The following CRB1 variants were observed in gnomAD, a reference collection of about 807,000 sequenced individuals.
The protein encoded by CRB1 is crumbs cell polarity complex component 1.
CRB1 carries 83 observed loss-of-function variants against 120.0 expected under a neutral mutation model. That is an observed-to-expected ratio of 0.69 (90% CI 0.58 to 0.83). The LOEUF is 0.83. Ranked by LOEUF, CRB1 falls within the 40% of genes least tolerant of loss-of-function variation. The probability of loss-of-function intolerance (pLI) is 0.00; values close to 1 mark genes in which losing one functional copy is unlikely to be tolerated. For synonymous variants in CRB1, 625 were observed against 612.5 expected (o/e 1.02, Z -0.30); for missense variants, 1,699 against 1,687.6 (o/e 1.01, Z -0.12).
rs1664321763 is a variant in CRB1, at chr1:197,421,575, A to G, written c.1747A>G (p.Ile583Val). 3 of 1,614,068 alleles carry G rather than the reference A, an allele frequency of 1.9e-6. No individual in the cohort carries two copies. The African/African-American group carries it at 4.0e-5, about 22-fold the overall frequency. The change falls in exon 6 of 12, where the codon ATC becomes GTC. Residue 583 changes from isoleucine (I) to valine (V), a missense_variant. Transcript: ENST00000367400. ...IFAEAVTLTL[I>V]DDSCKEKCIA... is the part of the protein sequence containing the mutation. ...TGCAGAGGCTGTGACCCTTACCTTA[A>G]TCGACGACTCCTGTAAGGAGAAATG...
Position 197,332,086 on chromosome 1 carries a change from G to A in CRB1, c.652+3083G>A, listed in dbSNP as rs150203166. Among the ~76,000 whole-genome samples the A allele has an allele frequency of 5.6e-3, 852 of 152,238 alleles. 9 individuals carry two copies. Among genetic ancestry groups the A allele is most frequent in the African/African-American group, 0.017 (705 of 41,502 alleles). On this transcript the variant is annotated intron_variant, in intron 2 of 11. Coordinates refer to ENST00000367400, the MANE Select transcript of CRB1 (RefSeq NM_201253.3). ...ATTGGGGAGGCAGAGGTTGCAGTGA[G>A]CTGAGATTGTGCCATTGCACTCCAG...
At position 197,477,952 on chromosome 1, in the gene CRB1, A is replaced by G. The variant is rs905326604; in HGVS notation, c.*73A>G. On this transcript the variant is annotated 3_prime_UTR_variant, in exon 12 of 12. Coordinates refer to ENST00000367400, the MANE Select transcript of CRB1 (RefSeq NM_201253.3). ...TGACTGTACTTCAGGTATCTCTGAC[A>G]TACCTGACAATGTTAATCTGCAACT... 1.4e-6 allele frequency: 2 copies of G among 1,395,190 alleles called. No homozygotes were observed. The highest frequency in any genetic ancestry group is 2.0e-6 in the Non-Finnish European group (2 of 981,724). 86.4% of individuals were successfully genotyped at this position (1,395,190 alleles called of 1,614,324 possible).
chr1:197,205,731 T>C, the CRB1 span, among the ~76,000 whole-genome samples: 97 of 152,238 alleles, frequency 6.4e-4, no homozygotes, highest in African/African-American at 2.1e-3. Context: ...TATCCTTTCC[T>C]GGTTTTGGTA....
At chr1:197,231,309 T>C in the CRB1 span, among the ~76,000 whole-genome samples, 19 of 152,184 alleles carry the variant, frequency 1.2e-4, no homozygotes, top group Admixed American at 7.2e-4. Context: ...CATCATCTTA[T>C]TTTTGATATT....
chr1:197,464,697 T>A (rs764394760), intron 11 of CRB1, among the ~76,000 whole-genome samples: 1 of 152,208 alleles, frequency 6.6e-6, no homozygotes, highest in Non-Finnish European at 1.5e-5. Context: ...AGAAATAATG[T>A]AAATAATTCA....
At chr1:197,316,151 T>C (rs1234401776) in intron 1 of CRB1, among the ~76,000 whole-genome samples, 1 of 152,188 alleles carries the variant, frequency 6.6e-6, no homozygotes, top group Non-Finnish European at 1.5e-5. Flanking sequence ...ACATGAGCTT[T>C]GGTTCAAAAA....
chr1:197,418,007 A>G (rs1487760648), intron 5 of CRB1, among the ~76,000 whole-genome samples: 2 of 151,874 alleles, frequency 1.3e-5, no homozygotes, highest in Non-Finnish European at 2.9e-5. Flanking sequence ...TGACACTACT[A>G]TCTAATAGTG....
In CRB1 at chr1:197,412,020, T is replaced by TG. The variant is rs373163366; in HGVS notation, c.1172-8977dup. Among the ~76,000 whole-genome samples the TG allele has an allele frequency of 5.8e-4, 89 of 152,310 alleles. No individual in the cohort carries two copies. In the East Asian group the frequency reaches 0.015, roughly 26 times the overall value. Reference sequence around the variant, plus strand: ...CCCCTCAAGTCCTATTGACCAGGATTGGGTCACATGCCCATGACCCAGCTG... The same window carrying TG: ...CCCCTCAAGTCCTATTGACCAGGATTGGGGTCACATGCCCATGACCCAGCTG... On this transcript the variant is annotated intron_variant, in intron 5 of 11. Coordinates refer to ENST00000367400, the MANE Select transcript of CRB1 (RefSeq NM_201253.3).
At chr1:197,419,217 C>T (rs1040058804) in intron 5 of CRB1, among the ~76,000 whole-genome samples, 3 of 152,052 alleles carry the variant, frequency 2.0e-5, no homozygotes, top group African/African-American at 7.3e-5. Flanking sequence ...CCAACATTAT[C>T]AATATAGGAA....
At chr1:197,473,625 A>G (rs532765859) in intron 11 of CRB1, among the ~76,000 whole-genome samples, 1 of 152,078 alleles carries the variant, frequency 6.6e-6, no homozygotes, top group African/African-American at 2.4e-5. Context: ...TCAGAAAAAA[A>G]AAAAACAATT....
chr1:197,391,650 C>T lies in CRB1; in HGVS notation c.1172-29350C>T, dbSNP rs547376249. Among the ~76,000 whole-genome samples the T allele has an allele frequency of 9.6e-4, 146 of 152,148 alleles. 1 individual carries two copies. Among genetic ancestry groups the T allele is most frequent in the Non-Finnish European group, 1.4e-3 (93 of 67,980 alleles). On this transcript the variant is annotated intron_variant, in intron 5 of 11. Coordinates refer to ENST00000367400, the MANE Select transcript of CRB1 (RefSeq NM_201253.3). ...GCATCCTGGAACTTTATAATAAATTCGACTCTTGGGTTTTGCACATCCAAG... is the reference window on the plus strand; with the variant it reads ...GCATCCTGGAACTTTATAATAAATTTGACTCTTGGGTTTTGCACATCCAAG...
chr1:197,403,068 AT>A (rs1558110552), intron 5 of CRB1, among the ~76,000 whole-genome samples: 1 of 152,014 alleles, frequency 6.6e-6, no homozygotes, highest in East Asian at 1.9e-4. Context: ...ATAATGTAGT[AT>A]TCTAAAATGT....
At chr1:197,226,282 A>G in the CRB1 span, among the ~76,000 whole-genome samples, 9 of 152,160 alleles carry the variant, frequency 5.9e-5, no homozygotes, top group Non-Finnish European at 1.0e-4. Context: ...TTAAGCTACT[A>G]ATATATTTTA....
chr1:197,442,241 A>G lies in CRB1; in HGVS notation c.3954A>G (p.Lys1318=), dbSNP rs1267070832. 2.5e-6 allele frequency: 4 copies of G among 1,614,192 alleles called. No individual in the cohort carries two copies. The highest frequency in any genetic ancestry group is 3.4e-6 in the Non-Finnish European group (4 of 1,180,032). Residue 1318 remains lysine, a synonymous_variant, in exon 11 of 12, where the codon AAA becomes AAG. Transcript: ENST00000367400. ...GTCTGTGCCAGGACTTACTCAACAA[A>G]TTCCAGTGCCTCTGTGATGTTGCCT... is the stretch of plus-strand genomic sequence containing the variant. The part of the protein sequence containing the change: ...NGGLCQDLLN[K]FQCLCDVAFA...
intron 11 of CRB1, among the ~76,000 whole-genome samples, chr1:197,459,168 G>T (rs1032764918): frequency 5.3e-5 from 8 of 152,086 alleles, no homozygotes; most frequent in Non-Finnish European, 1.2e-4. Context: ...TTAAGAGAAA[G>T]ATTAGATGAT....
intron 11 of CRB1, among the ~76,000 whole-genome samples, chr1:197,474,072 GAATTCT>G (rs1250368112): frequency 2.0e-5 from 3 of 152,122 alleles, no homozygotes; most frequent in African/African-American, 7.2e-5. Context: ...CGTCCTGAGG[GAATTCT>G]AGTTTATCTT....
At chr1:197,401,718 A>T (rs770896508) in intron 5 of CRB1, among the ~76,000 whole-genome samples, 71 of 152,044 alleles carry the variant, frequency 4.7e-4, no homozygotes, top group Non-Finnish European at 7.8e-4. Context: ...CTTCCCAATG[A>T]TATTATAATT....
At chr1:197,282,057 T>A (rs1655551396) in intron 1 of CRB1, among the ~76,000 whole-genome samples, 1 of 150,742 alleles carries the variant, frequency 6.6e-6, no homozygotes, top group East Asian at 2.0e-4. Flanking sequence ...TATAAGCTAT[T>A]CATAAAAATG....
At position 197,344,307 on chromosome 1, in the gene CRB1, G is replaced by A. The variant is rs190037839; in HGVS notation, c.679G>A (p.Glu227Lys). The A allele has an allele frequency of 2.5e-5, 41 of 1,614,100 alleles. No individual in the cohort carries two copies. In the African/African-American group the frequency reaches 2.8e-4, roughly 11 times the overall value. The change falls in exon 3 of 12, where the codon GAA (glutamate) becomes AAA (lysine). Residue 227 changes from glutamate (E) to lysine (K), a missense_variant. Glu to Lys is a moderately conservative substitution (Grantham distance 56). Coordinates refer to ENST00000367400, the MANE Select transcript of CRB1 (RefSeq NM_201253.3). ...SGVNCELEID[E>K]CWSQPCLNGA... ...TGTAAACTGTGAATTGGAAATTGACGAATGTTGGTCCCAGCCTTGTTTAAA... is the reference window on the plus strand; with the variant it reads ...TGTAAACTGTGAATTGGAAATTGACAAATGTTGGTCCCAGCCTTGTTTAAA...
Sources: allele counts gnomAD v4.1 joint callset (sites outside exome capture counted in the v4.1 genomes callset), GRCh38; gene constraint gnomAD v4.1.1; transcripts MANE v1.5; gene names NCBI Gene and HGNC (gene_info 2026-07-23, HGNC 2026-07-21).